HK1: variants seen among roughly 807,000 people sequenced by gnomAD.
HK1 encodes hexokinase 1.
HK1 carries 28 observed loss-of-function variants against 91.6 expected under a neutral mutation model. The ratio of observed to expected loss-of-function variants is 0.31; its 90% CI spans 0.23 to 0.42. The LOEUF is 0.42. Ranked by LOEUF, HK1 falls within the 10% of genes least tolerant of loss-of-function variation. The probability of loss-of-function intolerance (pLI) is 1.00; values close to 1 mark genes in which losing one functional copy is unlikely to be tolerated. For synonymous variants in HK1, 430 were observed against 468.1 expected (o/e 0.92, Z 1.05); for missense variants, 770 against 1,219.8 (o/e 0.63, Z 5.49).
chr10:69,392,259 C>T lies in HK1; in HGVS notation c.2170C>T (p.His724Tyr), dbSNP rs1462862911. 1 of 1,614,212 alleles carries T rather than the reference C, an allele frequency of 6.2e-7. No homozygotes were observed. Among genetic ancestry groups the T allele is most frequent in the Admixed American group, 1.7e-5 (1 of 60,028 alleles). Residue 724 changes from histidine (H) to tyrosine (Y), a missense_variant, in exon 15 of 18, where the codon CAC becomes TAC. Transcript: ENST00000359426. ...CGGGTGTCTGGATGATATCAGGACACACTACGACAGACTGGTGGACGAATA... is the reference window on the plus strand; with the variant it reads ...CGGGTGTCTGGATGATATCAGGACATACTACGACAGACTGGTGGACGAATA... ...DNGCLDDIRT[H>Y]YDRLVDEYSL...
At chr10:69,286,165 C>G (rs529215165) in intron 2 of HK1, among the ~76,000 whole-genome samples, 2 of 152,234 alleles carry the variant, frequency 1.3e-5, no homozygotes, top group South Asian at 4.1e-4. Flanking sequence ...GCCCATATAG[C>G]ATAATAAGGA....
chr10:69,371,180 A>G (rs1849981316), intron 7 of HK1, among the ~76,000 whole-genome samples: 1 of 152,138 alleles, frequency 6.6e-6, no homozygotes, highest in Non-Finnish European at 1.5e-5. Context: ...TGAATAAACT[A>G]GGTTTCTCAG....
At chr10:69,281,771 G>C (rs10998692) in intron 1 of HK1, among the ~76,000 whole-genome samples, 40,069 of 152,006 alleles carry the variant, frequency 0.26, 6,101 homozygotes, top group East Asian at 0.55. Flanking sequence ...CAATAAAAGA[G>C]AGTGAAACAA....
intron 1 of HK1, among the ~76,000 whole-genome samples, chr10:69,336,801 G>A (rs1254827459): frequency 3.3e-5 from 5 of 151,664 alleles, no homozygotes; most frequent in Non-Finnish European, 5.9e-5. Context: ...CACCACACCC[G>A]GCTAATTTTT....
rs763215893 is a variant in HK1, at chr10:69,368,588, C to T, written c.548C>T (p.Ala183Val). 3 of 1,614,068 alleles carry T rather than the reference C, an allele frequency of 1.9e-6. No individual in the cohort carries two copies. Among genetic ancestry groups the T allele is most frequent in the Non-Finnish European group, 8.5e-7 (1 of 1,179,998 alleles). The change falls in exon 5 of 18, where the codon GCA becomes GTA. Residue 183 changes from alanine to valine, a missense_variant. By Grantham distance (64) the Ala-to-Val change is moderately conservative (BLOSUM62 0). Coordinates refer to ENST00000359426, the MANE Select transcript of HK1 (RefSeq NM_000188.3). ...TTTAAAGCGAGCGGAGTGGAAGGAG[C>T]AGATGTGGTCAAACTGCTTAACAAA... ...KRFKASGVEG[A>V]DVVKLLNKAI...
intron 7 of HK1, among the ~76,000 whole-genome samples, chr10:69,370,311 A>T (rs1849932290): frequency 6.6e-6 from 1 of 151,792 alleles, no homozygotes; most frequent in Non-Finnish European, 1.5e-5. Context: ...ATGGGAGCCC[A>T]GGAGCTCAGT....
chr10:69,294,585 G>A (rs185345435), intron 3 of HK1, among the ~76,000 whole-genome samples: 4 of 152,036 alleles, frequency 2.6e-5, no homozygotes, highest in Admixed American at 1.3e-4. Context: ...GGCCAGGCAC[G>A]GTGCCTCACA....
intron 13 of HK1, among the ~76,000 whole-genome samples, chr10:69,387,392 G>A (rs1308807674): frequency 6.6e-6 from 1 of 152,140 alleles, no homozygotes; most frequent in Admixed American, 6.5e-5. Context: ...AGGCTCAAGC[G>A]ATCCTCCCGC....
chr10:69,398,166 G>C (rs1054750889), intron 16 of HK1, among the ~76,000 whole-genome samples: 1 of 152,164 alleles, frequency 6.6e-6, no homozygotes, highest in African/African-American at 2.4e-5. Flanking sequence ...CTCCAAGCTG[G>C]CTAAAGAAAT....
At chr10:69,287,405 G>A (rs993340175) in intron 2 of HK1, among the ~76,000 whole-genome samples, 8 of 152,156 alleles carry the variant, frequency 5.3e-5, no homozygotes, top group Non-Finnish European at 1.2e-4. Context: ...TGACATGTGG[G>A]GATTATGGGG....
intron 5 of HK1, among the ~76,000 whole-genome samples, chr10:69,305,338 G>A (rs1846052440): frequency 6.6e-6 from 1 of 152,100 alleles, no homozygotes; most frequent in South Asian, 2.1e-4. Flanking sequence ...CTTTATTCTG[G>A]GAGGCCTGAG....
intron 2 of HK1, among the ~76,000 whole-genome samples, chr10:69,286,400 TGGGA>T (rs1845034556): frequency 6.6e-6 from 1 of 152,046 alleles, no homozygotes; most frequent in Non-Finnish European, 1.5e-5. Context: ...GAGGCTGAGG[TGGGA>T]GGATCACTTG....
intron 5 of HK1, among the ~76,000 whole-genome samples, chr10:69,310,735 A>G (rs1160201187): frequency 1.3e-5 from 2 of 152,192 alleles, no homozygotes; most frequent in Admixed American, 6.5e-5. Flanking sequence ...TCAGGAAGAC[A>G]ATAAAATATC....
At chr10:69,317,311 G>A (rs1846699422), upstream of HK1, among the ~76,000 whole-genome samples, 1 of 152,182 alleles carries the variant, frequency 6.6e-6, no homozygotes, top group South Asian at 2.1e-4. Context: ...TATGGATGAA[G>A]ACACAGTCTC....
chr10:69,281,832 AG>A (rs1340221514), intron 1 of HK1, among the ~76,000 whole-genome samples: 3 of 152,178 alleles, frequency 2.0e-5, no homozygotes, highest in African/African-American at 4.8e-5. Context: ...GGAAGGAAAA[AG>A]GTGGCCTGGA....
intron 2 of HK1, among the ~76,000 whole-genome samples, chr10:69,286,277 C>T (rs1024917167): frequency 6.6e-6 from 1 of 152,102 alleles, no homozygotes; most frequent in Admixed American, 6.5e-5. Flanking sequence ...GGAGGAGAAT[C>T]GCTTGAGCCC....
chr10:69,281,605 A>G (rs1390601863), intron 1 of HK1, among the ~76,000 whole-genome samples: 1 of 152,206 alleles, frequency 6.6e-6, no homozygotes, highest in Non-Finnish European at 1.5e-5. Context: ...CTTGATAGCT[A>G]TCATGATTCA....
At position 69,384,514 on chromosome 10, in the gene HK1, GCA is replaced by G. The variant is rs752860431; in HGVS notation, c.1719+39_1719+40del. ...TACAAAACCATAGTGCATGTGCACT[GCA>G]CACACGGCCAGTGGCACCGGCAGTC... On this transcript the variant is annotated intron_variant, in intron 11 of 17. Coordinates refer to ENST00000359426, the MANE Select transcript of HK1 (RefSeq NM_000188.3). 61 of 1,612,138 alleles carry G rather than the reference GCA, an allele frequency of 3.8e-5. No individual in the cohort carries two copies. In the Middle Eastern group the frequency reaches 4.9e-4, roughly 13 times the overall value.
At chr10:69,345,732 C>T (rs924153405) in intron 2 of HK1, among the ~76,000 whole-genome samples, 6 of 152,218 alleles carry the variant, frequency 3.9e-5, no homozygotes, top group Non-Finnish European at 7.4e-5. Context: ...CCAGCTGTGT[C>T]CCAGGGACCT....
Sources: gnomAD v4.1 joint callset for allele counts (sites outside exome capture counted in the v4.1 genomes callset) on GRCh38, gnomAD v4.1.1 for gene constraint, MANE v1.5 for transcripts, NCBI Gene and HGNC (gene_info 2026-07-23, HGNC 2026-07-21) for gene names.